Variants in ADGRB3 observed in about 807,000 individuals in gnomAD.
ADGRB3 encodes the protein adhesion G protein-coupled receptor B3.
ADGRB3 carries 37 observed loss-of-function variants against 193.4 expected under a neutral mutation model. That is an observed-to-expected ratio of 0.19 (90% confidence interval 0.15 to 0.25). The LOEUF (loss-of-function observed/expected upper bound fraction) is 0.25. Among genes scored for constraint, ADGRB3 ranks in the 10% least tolerant of loss-of-function variants. ADGRB3 has a pLI of 1.00. For synonymous variants in ADGRB3, 690 were observed against 644.2 expected (o/e 1.07, Z -1.08); for missense variants, 1,637 against 1,852.9 (o/e 0.88, Z 2.14).
At chr6:69,381,655 G>C (rs1414247472) in intron 30 of ADGRB3, among the ~76,000 whole-genome samples, 1 of 151,906 alleles carries the variant, frequency 6.6e-6, no homozygotes, top group Non-Finnish European at 1.5e-5. Flanking sequence ...CTTCTCTGCA[G>C]TGTCTTTTAG....
At chr6:69,183,571 T>C (rs1332842696) in intron 17 of ADGRB3, among the ~76,000 whole-genome samples, 1 of 152,106 alleles carries the variant, frequency 6.6e-6, no homozygotes, top group African/African-American at 2.4e-5. Flanking sequence ...TTATAAAGCA[T>C]TAAAAATCCT....
chr6:68,691,441 G>T (rs1022844778), intron 3 of ADGRB3, among the ~76,000 whole-genome samples: 4 of 151,946 alleles, frequency 2.6e-5, no homozygotes, highest in African/African-American at 9.7e-5. Context: ...AATTGATGTG[G>T]CTATGGCTAG....
chr6:69,171,318 A>G (rs1056890961), intron 17 of ADGRB3, among the ~76,000 whole-genome samples: 1 of 152,198 alleles, frequency 6.6e-6, no homozygotes, highest in African/African-American at 2.4e-5. Flanking sequence ...GAAGAAAATG[A>G]AGAAAATTAG....
chr6:69,318,566 C>T (rs1029590259), intron 20 of ADGRB3, among the ~76,000 whole-genome samples: 3 of 151,312 alleles, frequency 2.0e-5, no homozygotes, highest in Admixed American at 6.6e-5. Flanking sequence ...ATGCTAGCCT[C>T]TTTAAAAAAT....
intron 3 of ADGRB3, among the ~76,000 whole-genome samples, chr6:68,793,534 T>A (rs12204652): frequency 0.096 from 14,589 of 152,198 alleles, 922 homozygotes; most frequent in Middle Eastern, 0.27. Context: ...ATCTATTTAT[T>A]ATTATTATTT....
chr6:68,721,599 C>T (rs1442579273), intron 3 of ADGRB3, among the ~76,000 whole-genome samples: 1 of 146,334 alleles, frequency 6.8e-6, no homozygotes, highest in Non-Finnish European at 1.5e-5. Flanking sequence ...ACGTTGTGCA[C>T]ATGTACCCTA....
intron 17 of ADGRB3, among the ~76,000 whole-genome samples, chr6:69,196,680 T>G (rs2150356596): frequency 6.6e-6 from 1 of 152,250 alleles, no homozygotes; most frequent in Admixed American, 6.5e-5. Context: ...AAAATACAGC[T>G]GCATTTTAAG....
intron 26 of ADGRB3, among the ~76,000 whole-genome samples, chr6:69,349,826 TA>T (rs1769184637): frequency 6.6e-6 from 1 of 152,172 alleles, no homozygotes; most frequent in Admixed American, 6.5e-5. Flanking sequence ...ACTGTCTTCT[TA>T]AAAGTGAAGA....
At chr6:68,961,461 C>T (rs1298574713) in intron 8 of ADGRB3, among the ~76,000 whole-genome samples, 1 of 152,124 alleles carries the variant, frequency 6.6e-6, no homozygotes, top group Non-Finnish European at 1.5e-5. Flanking sequence ...TTATAAAATA[C>T]TTGGTGTGGG....
At chr6:68,825,591 T>A (rs1767827760) in intron 3 of ADGRB3, among the ~76,000 whole-genome samples, 1 of 152,190 alleles carries the variant, frequency 6.6e-6, no homozygotes, top group Non-Finnish European at 1.5e-5. Flanking sequence ...TGAATTGTAA[T>A]CCCTATAATC....
intron 16 of ADGRB3, among the ~76,000 whole-genome samples, chr6:69,065,118 C>T (rs1771861878): frequency 6.6e-6 from 1 of 152,082 alleles, no homozygotes; most frequent in African/African-American, 2.4e-5. Flanking sequence ...TTGTGTCTTT[C>T]AGTATTTTGA....
In ADGRB3 at chr6:68,667,342, G is replaced by A. The variant is rs115979853; in HGVS notation, c.757+27910G>A. ...GCAAAACCATCAAAGCTACCTGGTGGTTTCACAGTTCTACTAAACCTGGAT... is the reference window on the plus strand; with the variant it reads ...GCAAAACCATCAAAGCTACCTGGTGATTTCACAGTTCTACTAAACCTGGAT... On this transcript the variant is annotated intron_variant, in intron 3 of 31. Transcript: ENST00000370598. Among the ~76,000 whole-genome samples the A allele has an allele frequency of 2.2e-3, 339 of 151,910 alleles. 1 individual carries two copies. Among genetic ancestry groups the A allele is most frequent in the African/African-American group, 7.8e-3 (323 of 41,508 alleles).
intron 3 of ADGRB3, among the ~76,000 whole-genome samples, chr6:68,643,412 C>A (rs1455021145): frequency 7.3e-6 from 1 of 137,372 alleles, no homozygotes; most frequent in East Asian, 2.1e-4. Context: ...TCATCATTCA[C>A]CTTTCTCTTT....
chr6:68,924,821 A>AT (rs1767136670), intron 3 of ADGRB3, among the ~76,000 whole-genome samples: 2 of 151,986 alleles, frequency 1.3e-5, no homozygotes. Context: ...AAGAAAGAGC[A>AT]TCAGTTAATC....
Position 69,191,682 on chromosome 6 carries a change from T to G in ADGRB3, c.2481-41608T>G, listed in dbSNP as rs374393421. On this transcript the variant is annotated intron_variant, in intron 17 of 31. Transcript: ENST00000370598. ...ACATCTTAATCCACTCAACAGATATTTGTTGAGTGCGTGCTATATGCCTGT... is the reference window on the plus strand; with the variant it reads ...ACATCTTAATCCACTCAACAGATATGTGTTGAGTGCGTGCTATATGCCTGT... Among the ~76,000 whole-genome samples the G allele has an allele frequency of 5.1e-3, 775 of 152,214 alleles. 11 individuals are homozygous for G. The highest frequency in any genetic ancestry group is 0.018 in the African/African-American group (740 of 41,536).
At chr6:69,230,490 A>C (rs77738869) in intron 17 of ADGRB3, among the ~76,000 whole-genome samples, 8,209 of 152,246 alleles carry the variant, frequency 0.054, 569 homozygotes, top group African/African-American at 0.15. Context: ...GAAATCAATC[A>C]GACATGTGTA....
intron 5 of ADGRB3, among the ~76,000 whole-genome samples, chr6:68,938,630 G>A (rs1767550754): frequency 6.6e-6 from 1 of 151,910 alleles, no homozygotes; most frequent in African/African-American, 2.4e-5. Flanking sequence ...TAGATCTCTT[G>A]AATTTATTCC....
intron 3 of ADGRB3, among the ~76,000 whole-genome samples, chr6:68,655,450 G>T (rs1042214205): frequency 2.6e-5 from 4 of 151,550 alleles, no homozygotes; most frequent in African/African-American, 9.7e-5. Context: ...TCCATTAATT[G>T]GGTAATCCTG....
chr6:69,328,538 C>T (rs1462443859), intron 22 of ADGRB3, among the ~76,000 whole-genome samples: 1 of 152,022 alleles, frequency 6.6e-6, no homozygotes, highest in Non-Finnish European at 1.5e-5. Flanking sequence ...GTTGAGGAGG[C>T]AGTTAAGAAG....
Sources: gnomAD v4.1 joint callset for allele counts (sites outside exome capture counted in the v4.1 genomes callset) on GRCh38, gnomAD v4.1.1 for gene constraint, MANE v1.5 for transcripts, NCBI Gene and HGNC (gene_info 2026-07-23, HGNC 2026-07-21) for gene names.